Variants in MYO16 observed in about 807,000 individuals in gnomAD.
The protein encoded by MYO16 is unconventional myosin-XVI.
MYO16 carries 94 observed loss-of-function variants against 205.3 expected under a neutral mutation model. That is an observed-to-expected ratio of 0.46 (90% CI 0.39 to 0.54). The LOEUF (loss-of-function observed/expected upper bound fraction) is 0.54, where lower values mean the gene tolerates loss of function less well. Among genes scored for constraint, MYO16 ranks in the 20% least tolerant of loss-of-function variants. The pLI is 0.00. For missense variants in MYO16, 2,315 were observed against 2,387.5 expected (o/e 0.97, Z 0.63); for synonymous variants, 988 against 954.0 (o/e 1.04, Z -0.66).
chr13:108,912,613 C>G (rs958048321), intron 16 of MYO16, among the ~76,000 whole-genome samples: 1 of 152,032 alleles, frequency 6.6e-6, no homozygotes, highest in African/African-American at 2.4e-5. Flanking sequence ...AAACCCACCA[C>G]CTGAGATTAA....
At chr13:108,628,383 A>G (rs1457712498), upstream of MYO16, among the ~76,000 whole-genome samples, 1 of 152,186 alleles carries the variant, frequency 6.6e-6, no homozygotes, top group African/African-American at 2.4e-5. Flanking sequence ...TGTTAATGTT[A>G]ATGACAACTT....
chr13:108,984,669 G>T (rs747308386), intron 20 of MYO16, among the ~76,000 whole-genome samples: 3 of 152,226 alleles, frequency 2.0e-5, no homozygotes, highest in Non-Finnish European at 4.4e-5. Context: ...CGTGCTTTTT[G>T]AGTTTCCTTA....
At chr13:108,532,415 G>A in the MYO16 span, among the ~76,000 whole-genome samples, 3 of 151,336 alleles carry the variant, frequency 2.0e-5, no homozygotes, top group Non-Finnish European at 4.4e-5. Context: ...AAAGAGGGAT[G>A]AGGAGTGAGA....
At chr13:108,530,846 AT>A in the MYO16 span, among the ~76,000 whole-genome samples, 1 of 152,104 alleles carries the variant, frequency 6.6e-6, no homozygotes, top group South Asian at 2.1e-4. Context: ...GGGTCTTAAA[AT>A]TTTTTTATTG....
At chr13:108,898,385 TGTG>T (rs1880545711) in intron 15 of MYO16, among the ~76,000 whole-genome samples, 1 of 150,408 alleles carries the variant, frequency 6.6e-6, no homozygotes, top group African/African-American at 2.4e-5. Flanking sequence ...TGTGTGTGTG[TGTG>T]TATACATACC....
At chr13:108,616,302 T>A (rs1339954609) in intron 1 of MYO16, among the ~76,000 whole-genome samples, 1 of 152,214 alleles carries the variant, frequency 6.6e-6, no homozygotes, top group Non-Finnish European at 1.5e-5. Context: ...TTGTATTTTG[T>A]GCCTAAGTAC....
chr13:109,011,939 G>T (rs1402014570), intron 22 of MYO16, among the ~76,000 whole-genome samples: 3 of 152,062 alleles, frequency 2.0e-5, no homozygotes, highest in Non-Finnish European at 4.4e-5. Context: ...GGTATGGTTT[G>T]GTAACCTCAG....
intron 4 of MYO16, among the ~76,000 whole-genome samples, chr13:108,765,927 C>T (rs1242688525): frequency 6.6e-6 from 1 of 152,102 alleles, no homozygotes; most frequent in Non-Finnish European, 1.5e-5. Flanking sequence ...AATTCAACTG[C>T]TATAAGATTT....
At chr13:108,764,262 T>A (rs1438461083) in intron 4 of MYO16, among the ~76,000 whole-genome samples, 2 of 152,132 alleles carry the variant, frequency 1.3e-5, no homozygotes, top group African/African-American at 4.8e-5. Context: ...GAAATATAGG[T>A]GTTGGTGCCA....
intron 3 of MYO16, 46 bp from the exon 4 acceptor site, chr13:108,727,394 T>G: frequency 6.3e-7 from 1 of 1,588,512 alleles, no homozygotes. Context: ...ATAAGCCATA[T>G]CACAGTTTGT....
the MYO16 span, among the ~76,000 whole-genome samples, chr13:108,507,737 TC>T: frequency 6.6e-6 from 1 of 152,146 alleles, no homozygotes; most frequent in South Asian, 2.1e-4. Context: ...TTCTTCTGGG[TC>T]TCTCATAATG....
Position 108,844,433 on chromosome 13 carries a change from G to T in MYO16, c.1188G>T (p.Gln396His). 1 of 1,613,114 alleles carries T rather than the reference G, an allele frequency of 6.2e-7. No individual in the cohort carries two copies. The highest frequency in any genetic ancestry group is 8.5e-7 in the Non-Finnish European group (1 of 1,179,252). ...FKDATKGLCKQQSQDSIPENP... is the reference protein window; with the variant it reads ...FKDATKGLCKHQSQDSIPENP... Reference sequence around the variant, plus strand: ...ATGCAACAAAAGGTCTGTGTAAGCAGCAGTCTCAGGACAGCATCCCTGAAA... The same window carrying T: ...ATGCAACAAAAGGTCTGTGTAAGCATCAGTCTCAGGACAGCATCCCTGAAA... Residue 396 changes from glutamine to histidine, a missense_variant, in exon 10 of 35, where the codon CAG (glutamine) becomes CAT (histidine). By Grantham distance (24) the Gln-to-His change is conservative (BLOSUM62 0). Transcript: ENST00000457511.
chr13:108,835,028 G>C (rs1176849252), intron 9 of MYO16, among the ~76,000 whole-genome samples: 1 of 152,164 alleles, frequency 6.6e-6, no homozygotes, highest in African/African-American at 2.4e-5. Flanking sequence ...CACTTTTCTT[G>C]TAGAAAATAA....
intron 31 of MYO16, among the ~76,000 whole-genome samples, chr13:109,131,012 C>T (rs905323039): frequency 2.6e-5 from 4 of 152,118 alleles, no homozygotes; most frequent in South Asian, 2.1e-4. Context: ...GTCTACCAAG[C>T]GGTGATACTG....
chr13:108,671,912 C>T (rs901773361), intron 2 of MYO16, among the ~76,000 whole-genome samples: 1 of 152,108 alleles, frequency 6.6e-6, no homozygotes, highest in Admixed American at 6.6e-5. Flanking sequence ...ACTCCTAATA[C>T]CATCACATGA....
In MYO16 at chr13:109,127,138, G is replaced by A. The variant is rs904789393; in HGVS notation, c.3783-144G>A. ...CTCTGGACCAACTGGTCACCAGAGG[G>A]CTGCACACGTCCTCCAGCCACAGCA... is the stretch of plus-strand genomic sequence containing the variant. On this transcript the variant is annotated intron_variant, in intron 30 of 34. Coordinates refer to ENST00000457511, the MANE Select transcript of MYO16 (RefSeq NM_001198950.3). This position sits in a 1 kb window ranked among gnomAD's most constrained non-coding sequence, Gnocchi z 4.2. 30 of 1,111,718 alleles carry A rather than the reference G, an allele frequency of 2.7e-5. No homozygotes were observed. The highest frequency in any genetic ancestry group is 2.5e-4 in the African/African-American group (16 of 63,456). 68.9% of individuals were successfully genotyped at this position (1,111,718 alleles called of 1,614,324 possible).
intron 12 of MYO16, among the ~76,000 whole-genome samples, chr13:108,874,447 A>G (rs1397503775): frequency 6.6e-6 from 1 of 152,200 alleles, no homozygotes; most frequent in African/African-American, 2.4e-5. Context: ...ATTACATGGC[A>G]GAACTGCCTC....
the MYO16 span, among the ~76,000 whole-genome samples, chr13:108,574,159 G>A: frequency 0.033 from 4,993 of 152,226 alleles, 245 homozygotes; most frequent in African/African-American, 0.11. Flanking sequence ...AGCCTAATTG[G>A]TCAAGCTTCT....
intron 32 of MYO16, among the ~76,000 whole-genome samples, chr13:109,164,416 G>A (rs1489389403): frequency 2.0e-5 from 3 of 152,196 alleles, no homozygotes; most frequent in Non-Finnish European, 2.9e-5. Flanking sequence ...TGCAGAATGC[G>A]GAAGTCGAGT....
Sources: gnomAD v4.1 joint callset for allele counts (sites outside exome capture counted in the v4.1 genomes callset) on GRCh38, gnomAD v4.1.1 for gene constraint, Gnocchi (gnomAD v3.1) non-coding constraint, MANE v1.5 for transcripts, NCBI Gene and HGNC (gene_info 2026-07-23, HGNC 2026-07-21) for gene names.